CREBRF: variants seen among roughly 807,000 people sequenced by gnomAD.
The protein encoded by CREBRF is CREB3 regulatory factor, also known as UPF0474 protein C5orf41.
A neutral mutation model predicts 66.1 loss-of-function variants in CREBRF; 5 were observed. The ratio of observed to expected loss-of-function variants is 0.08; its 90% CI spans 0.04 to 0.16. CREBRF has a LOEUF of 0.16. Ranked by LOEUF, CREBRF falls within the 10% of genes least tolerant of loss-of-function variation. The pLI is 1.00. For synonymous variants in CREBRF, 229 were observed against 264.4 expected (o/e 0.87, Z 1.30); for missense variants, 531 against 744.9 (o/e 0.71, Z 3.34).
At chr5:173,112,471 T>C in intron 7 of CREBRF, 92 bp downstream of exon 7, 1 of 877,860 alleles carries the variant, frequency 1.1e-6, no homozygotes, top group Non-Finnish European at 1.8e-6. Context: ...TTTCGCTGTA[T>C]TCTGCCTAGT....
At chr5:173,107,780 C>T (rs558693589) in intron 4 of CREBRF, among the ~76,000 whole-genome samples, 10 of 151,788 alleles carry the variant, frequency 6.6e-5, no homozygotes, top group African/African-American at 2.4e-4. Flanking sequence ...AGTTTGAGAC[C>T]AGCCTGGCAA....
chr5:173,111,886 C>A (rs1032822734), intron 6 of CREBRF, among the ~76,000 whole-genome samples: 1 of 152,216 alleles, frequency 6.6e-6, no homozygotes, highest in African/African-American at 2.4e-5. Context: ...ACATCCTGTA[C>A]AACTTTTGGT....
chr5:173,063,786 A>T (rs1329767315), intron 1 of CREBRF, among the ~76,000 whole-genome samples: 2 of 151,244 alleles, frequency 1.3e-5, no homozygotes, highest in African/African-American at 4.9e-5. Flanking sequence ...GCAGTGGTGT[A>T]ATCTCTGCCC....
At chr5:173,116,411 C>T (rs1365473154) in intron 7 of CREBRF, among the ~76,000 whole-genome samples, 3 of 152,188 alleles carry the variant, frequency 2.0e-5, no homozygotes, top group African/African-American at 7.2e-5. Flanking sequence ...CCCTGGATAG[C>T]CTCAATCTGC....
intron 4 of CREBRF, among the ~76,000 whole-genome samples, chr5:173,094,782 T>C (rs1348280947): frequency 6.6e-6 from 1 of 152,214 alleles, no homozygotes; most frequent in Non-Finnish European, 1.5e-5. Context: ...CTTTTTGGTT[T>C]GATGCAATCT....
rs552844844 is a variant in CREBRF at position 173,129,059 on chromosome 5, C to T, written c.1805-4571C>T. Among the ~76,000 whole-genome samples the T allele has an allele frequency of 5.9e-5, 8 of 136,512 alleles. No individual in the cohort carries two copies. In the East Asian group the frequency reaches 1.3e-3, roughly 22 times the overall value. The allele number at this position is 136,512 out of a possible 152,430, so 89.6% of individuals were successfully genotyped here. A position where few individuals can be genotyped will look rare whatever the true frequency, so the allele number is the denominator to read the frequency against. ...CCTCCCATAGTGCTGGGATTACAGGCGTGAGCCACCGTGCCCGGCCTCTGA... is the reference window on the plus strand; with the variant it reads ...CCTCCCATAGTGCTGGGATTACAGGTGTGAGCCACCGTGCCCGGCCTCTGA... On this transcript the variant is annotated intron_variant, in intron 8 of 8. Transcript: ENST00000296953.
intron 3 of CREBRF, 60 bp downstream of exon 3, chr5:173,086,686 GTT>G (rs1455423220): frequency 6.8e-7 from 1 of 1,480,860 alleles, no homozygotes; most frequent in African/African-American, 1.4e-5. Flanking sequence ...TTGTGGGAGA[GTT>G]TTTTGTTTAT....
chr5:173,085,393 A>T, intron 2 of CREBRF: 1 of 1,107,016 alleles, frequency 9.0e-7, no homozygotes, highest in Non-Finnish European at 1.3e-6. Flanking sequence ...GGCAGCCAAT[A>T]TTGTATCGTC....
chr5:173,091,005 A>G lies in CREBRF; in HGVS notation c.826A>G (p.Lys276Glu), dbSNP rs770385665. ...YCGAVAKRQEKKGMEPLQGHA... is the reference protein window; with the variant it reads ...YCGAVAKRQEEKGMEPLQGHA... ...TGGTGCAGTGGCAAAGAGACAAGAG[A>G]AAAAAGGGATGGAGCCTCTTCAAGG... The change falls in exon 4 of 9, where the codon AAA becomes GAA. Residue 276 changes from lysine to glutamate, a missense_variant. Coordinates refer to ENST00000296953, the MANE Select transcript of CREBRF (RefSeq NM_153607.3). 3.1e-6 allele frequency: 5 copies of G among 1,614,140 alleles called. No homozygotes were observed. The South Asian group carries it at 3.3e-5, about 11-fold the overall frequency.
At chr5:173,096,015 G>C (rs1017964020) in intron 4 of CREBRF, among the ~76,000 whole-genome samples, 2 of 151,954 alleles carry the variant, frequency 1.3e-5, no homozygotes, top group Non-Finnish European at 2.9e-5. Context: ...TGTTGCCCAG[G>C]CTGGAGTGCA....
chr5:173,057,426 C>T (rs548383562), intron 1 of CREBRF: 1 of 152,370 alleles, frequency 6.6e-6, no homozygotes, highest in African/African-American at 2.4e-5. Flanking sequence ...GGAAGTAGCT[C>T]AGGGGAGCCT....
Position 173,090,244 on chromosome 5 carries a change from G to A in CREBRF, c.136-71G>A. On this transcript the variant is annotated intron_variant, in intron 3 of 8. Coordinates refer to ENST00000296953, the MANE Select transcript of CREBRF (RefSeq NM_153607.3). The surrounding 1 kb of genome is among the most constrained non-coding windows in gnomAD (Gnocchi z 4.5). ...CCAAAAGTCAAGTATTGATTTATCA[G>A]TTTGACATATGGAGGTGAATATTTC... 7.9e-7 allele frequency: 1 copy of A among 1,270,250 alleles called. No homozygotes were observed. Among genetic ancestry groups the A allele is most frequent in the Non-Finnish European group, 1.1e-6 (1 of 915,536 alleles). 78.7% of individuals were successfully genotyped at this position (1,270,250 alleles called of 1,614,324 possible).
chr5:173,079,840 G>A (rs1296609752), intron 1 of CREBRF, among the ~76,000 whole-genome samples: 1 of 152,124 alleles, frequency 6.6e-6, no homozygotes. Flanking sequence ...AGTTCCTCCT[G>A]GTTAAAGTCT....
intron 4 of CREBRF, among the ~76,000 whole-genome samples, chr5:173,107,881 G>A (rs1758786627): frequency 6.7e-6 from 1 of 150,086 alleles, no homozygotes; most frequent in Admixed American, 6.7e-5. Flanking sequence ...GCCCAGGCTG[G>A]AGTGCTGCGG....
intron 1 of CREBRF, among the ~76,000 whole-genome samples, chr5:173,057,023 C>T (rs1269600507): frequency 6.6e-6 from 1 of 151,716 alleles, no homozygotes; most frequent in Non-Finnish European, 1.5e-5. Context: ...CTAGGGGGGT[C>T]CGAGCAGGGC....
chr5:173,131,140 C>T (rs754963093), intron 8 of CREBRF, among the ~76,000 whole-genome samples: 1 of 152,324 alleles, frequency 6.6e-6, no homozygotes. Context: ...CCAGCCCTCA[C>T]CAGTTGTTAA....
intron 4 of CREBRF, among the ~76,000 whole-genome samples, chr5:173,102,657 G>A (rs1349340579): frequency 1.3e-5 from 2 of 152,082 alleles, no homozygotes; most frequent in Non-Finnish European, 1.5e-5. Context: ...CCTGGCACCT[G>A]TATCTGTGGG....
Position 173,086,502 on chromosome 5 carries a change from C to A in CREBRF, c.11C>A (p.Pro4His), listed in dbSNP as rs1260938137. The change falls in exon 3 of 9, where the codon CCT becomes CAT. Residue 4 changes from proline to histidine, a missense_variant and splice_region_variant. Coordinates refer to ENST00000296953, the MANE Select transcript of CREBRF (RefSeq NM_153607.3). MPQ[P>H]SVSGMDPPFG... The stretch of plus-strand genomic sequence containing the variant: ...AAAATAAAAATCACTCTGTTGTAGC[C>A]TAGTGTAAGCGGAATGGATCCGCCT... The A allele has an allele frequency of 2.5e-6, 4 of 1,613,066 alleles. No homozygotes were observed. Among genetic ancestry groups the A allele is most frequent in the Non-Finnish European group, 8.5e-7 (1 of 1,179,670 alleles).
chr5:173,131,693 TATACACAC>T (rs1759426805), intron 8 of CREBRF, among the ~76,000 whole-genome samples: 2 of 98,022 alleles, frequency 2.0e-5, no homozygotes, highest in African/African-American at 8.4e-5. Flanking sequence ...TGTATATATG[TATACACAC>T]ACACACACAC....
Sources: allele counts gnomAD v4.1 joint callset (sites outside exome capture counted in the v4.1 genomes callset), GRCh38; gene constraint gnomAD v4.1.1; non-coding constraint Gnocchi (gnomAD v3.1); transcripts MANE v1.5; gene names NCBI Gene and HGNC (gene_info 2026-07-23, HGNC 2026-07-21).